Variants in BEND7 observed in about 807,000 individuals in gnomAD.
The protein encoded by BEND7 is BEN domain-containing protein 7.
BEND7 carries 28 observed loss-of-function variants against 50.9 expected under a neutral mutation model. The observed-to-expected ratio is 0.55, with a 90% CI of 0.41 to 0.75. The LOEUF is 0.75. BEND7 is among the 30% of genes least tolerant of loss of function. The probability of loss-of-function intolerance (pLI) is 0.00; values close to 1 mark genes in which losing one functional copy is unlikely to be tolerated. For missense variants in BEND7, 477 were observed against 491.3 expected (o/e 0.97, Z 0.28); for synonymous variants, 170 against 183.9 (o/e 0.92, Z 0.61).
intron 2 of BEND7, among the ~76,000 whole-genome samples, chr10:13,501,326 A>G (rs2077438260): frequency 6.8e-6 from 1 of 146,664 alleles, no homozygotes; most frequent in African/African-American, 2.5e-5. Context: ...GTGAGCCAAG[A>G]TGGCACCATT....
chr10:13,502,911 C>T, intron 2 of BEND7: 1 of 985,574 alleles, frequency 1.0e-6, no homozygotes, highest in African/African-American at 1.7e-5. Context: ...ACTGACACAT[C>T]ACAGGAGAAG....
At chr10:13,461,928 A>C (rs1482935350) in intron 6 of BEND7, among the ~76,000 whole-genome samples, 2 of 152,168 alleles carry the variant, frequency 1.3e-5, no homozygotes, top group East Asian at 3.9e-4. Flanking sequence ...GAAAAAAGAA[A>C]AGAAAAGAAA....
chr10:13,485,754 ATTGAT>A (rs1477116658), intron 5 of BEND7, among the ~76,000 whole-genome samples: 7 of 152,224 alleles, frequency 4.6e-5, no homozygotes, highest in Non-Finnish European at 8.8e-5. Flanking sequence ...CTCCCCCATA[ATTGAT>A]TTAATTTTGT....
rs182526397 is a variant in BEND7, at chr10:13,488,546, G to A, written c.837+4065C>T. Among the ~76,000 whole-genome samples, 526 of 152,138 alleles carry A rather than the reference G, an allele frequency of 3.5e-3. 4 individuals carry two copies. The highest frequency in any genetic ancestry group is 0.012 in the African/African-American group (489 of 41,514). The stretch of plus-strand genomic sequence containing the variant: ...CTCTGTCGCCAGGCTGGAGTGCAGC[G>A]GTGCAATCTCAGCTCACTGCAATCT... On this transcript the variant is annotated intron_variant, in intron 5 of 8. Coordinates refer to ENST00000466271, the MANE Select transcript of BEND7 (RefSeq NM_001369863.1).
intron 6 of BEND7, among the ~76,000 whole-genome samples, chr10:13,476,840 T>G (rs2075481108): frequency 6.6e-6 from 1 of 152,206 alleles, no homozygotes; most frequent in Non-Finnish European, 1.5e-5. Flanking sequence ...CATAAGTTGT[T>G]TCTTCTTAAA....
At chr10:13,465,544 GCCCTAGATATCCATAAAA>G (rs980701020) in intron 6 of BEND7, among the ~76,000 whole-genome samples, 5 of 152,070 alleles carry the variant, frequency 3.3e-5, no homozygotes, top group African/African-American at 1.2e-4. Flanking sequence ...AATGAAAAGG[GCCCTAGATATCCATAAAA>G]CTGATTCCAA....
At chr10:13,524,827 C>A (rs2079337831) in intron 2 of BEND7, among the ~76,000 whole-genome samples, 1 of 152,076 alleles carries the variant, frequency 6.6e-6, no homozygotes, top group Admixed American at 6.5e-5. Context: ...GATATTCTTT[C>A]CCTCAGCAGA....
At chr10:13,516,053 C>T (rs979168684) in intron 2 of BEND7, among the ~76,000 whole-genome samples, 1 of 152,202 alleles carries the variant, frequency 6.6e-6, no homozygotes, top group South Asian at 2.1e-4. Context: ...ACTGGAGGCA[C>T]ATTACCTTTT....
chr10:13,440,527 G>A (rs886798626), downstream of BEND7, among the ~76,000 whole-genome samples: 3 of 152,220 alleles, frequency 2.0e-5, no homozygotes, highest in African/African-American at 4.8e-5. Context: ...CAGGGGCCCA[G>A]AGTCAGACCC....
chr10:13,494,680 T>C (rs1354515290), intron 4 of BEND7, among the ~76,000 whole-genome samples: 2 of 152,236 alleles, frequency 1.3e-5, no homozygotes, highest in African/African-American at 4.8e-5. Context: ...CTAAGCCTCA[T>C]GATTCTCAAT....
intron 8 of BEND7, chr10:13,443,300 G>C (rs1159855040): frequency 6.6e-6 from 1 of 152,648 alleles, no homozygotes; most frequent in Non-Finnish European, 1.5e-5. Flanking sequence ...AATTCAAACG[G>C]AAGTTACATA....
intron 2 of BEND7, among the ~76,000 whole-genome samples, chr10:13,513,073 G>A (rs758962872): frequency 8.5e-5 from 13 of 152,192 alleles, no homozygotes; most frequent in Non-Finnish European, 1.3e-4. Context: ...TGAGGAATCT[G>A]TCTTTCCTGC....
chr10:13,521,804 C>A (rs1035603115), intron 2 of BEND7, among the ~76,000 whole-genome samples: 1 of 152,238 alleles, frequency 6.6e-6, no homozygotes, highest in African/African-American at 2.4e-5. Context: ...CAGGTGAAGA[C>A]CTCCTCCATT....
chr10:13,499,600 T>C (rs1296302769), intron 3 of BEND7, 178 bp downstream of exon 3: 33 of 689,058 alleles, frequency 4.8e-5, no homozygotes, highest in Non-Finnish European at 7.0e-5. Context: ...AATTCTCAAT[T>C]CTGTTTTTTA....
At chr10:13,507,932 A>G (rs1367625069) in intron 2 of BEND7, among the ~76,000 whole-genome samples, 1 of 152,222 alleles carries the variant, frequency 6.6e-6, no homozygotes, top group Non-Finnish European at 1.5e-5. Context: ...GATGACCAGG[A>G]TTATACTATA....
chr10:13,517,483 A>G (rs971815511), intron 2 of BEND7, among the ~76,000 whole-genome samples: 1 of 152,080 alleles, frequency 6.6e-6, no homozygotes, highest in Non-Finnish European at 1.5e-5. Context: ...AAGAATTTCA[A>G]GCATCACACC....
chr10:13,526,080 CCCT>C, intron 2 of BEND7, 55 bp downstream of exon 2: 1 of 911,410 alleles, frequency 1.1e-6, no homozygotes, highest in Non-Finnish European at 1.5e-6. Flanking sequence ...CCTTTTTTCC[CCCT>C]AATTGCAAAT....
chr10:13,498,292 G>T (rs749986307), intron 3 of BEND7, among the ~76,000 whole-genome samples: 37 of 152,090 alleles, frequency 2.4e-4, no homozygotes, highest in Middle Eastern at 3.4e-3. Flanking sequence ...GGCCAGGCTG[G>T]TCTCGAACTC....
intron 6 of BEND7, among the ~76,000 whole-genome samples, chr10:13,460,725 T>C (rs546950481): frequency 2.0e-5 from 3 of 152,380 alleles, no homozygotes; most frequent in African/African-American, 7.2e-5. Context: ...ATATGGTTTT[T>C]CTCACGTTTT....
Sources: allele counts gnomAD v4.1 joint callset (sites outside exome capture counted in the v4.1 genomes callset), GRCh38; gene constraint gnomAD v4.1.1; transcripts MANE v1.5; gene names NCBI Gene and HGNC (gene_info 2026-07-23, HGNC 2026-07-21).